INPP5D: variants seen among roughly 807,000 people sequenced by gnomAD.
INPP5D encodes phosphatidylinositol 3,4,5-trisphosphate 5-phosphatase 1.
In INPP5D, 33 loss-of-function variants were observed where a neutral mutation model predicts 122.9. The ratio of observed to expected loss-of-function variants is 0.27; its 90% confidence interval spans 0.20 to 0.36. INPP5D has a LOEUF of 0.36. Among genes scored for constraint, INPP5D ranks in the 10% least tolerant of loss-of-function variants. The probability of loss-of-function intolerance (pLI) is 1.00; values close to 1 mark genes in which losing one functional copy is unlikely to be tolerated. For missense variants in INPP5D, 1,053 were observed against 1,412.7 expected, an observed-to-expected ratio of 0.75 and a Z score of 4.08; for synonymous variants, 584 against 576.2, an observed-to-expected ratio of 1.01 and a Z score of -0.19.
intron 20 of INPP5D, 34 bp downstream of exon 20, chr2:233,184,555 C>T (rs1245516270): frequency 6.2e-7 from 1 of 1,611,586 alleles, no homozygotes. Context: ...CTGGGCAGAA[C>T]TGCCCGGAGC....
Position 233,189,864 on chromosome 2 carries a change from C to A in INPP5D, c.2373C>A (p.Ile791=). ...TCTCTCTGCAGCTGAAGCCCATTAT[C>A]TCTGACCCTGAGTACCTGCTAGACC... The part of the protein sequence containing the change: ...GETLPKLKPI[I]SDPEYLLDQH... The change falls in exon 22 of 27, where the codon ATC becomes ATA. Residue 791 remains isoleucine, a synonymous_variant. Coordinates refer to ENST00000445964, the MANE Select transcript of INPP5D (RefSeq NM_001017915.3). This position sits in a 1 kb window ranked among gnomAD's most constrained non-coding sequence, Gnocchi z 5.6. 2 of 1,613,552 alleles carry A rather than the reference C, an allele frequency of 1.2e-6. No homozygotes were observed. Among genetic ancestry groups the A allele is most frequent in the Non-Finnish European group, 1.7e-6 (2 of 1,179,626 alleles).
chr2:233,120,362 T>C (rs542086035), intron 2 of INPP5D, among the ~76,000 whole-genome samples: 2 of 152,318 alleles, frequency 1.3e-5, no homozygotes, highest in East Asian at 1.9e-4. Flanking sequence ...CGGGCACCTG[T>C]AATCCCAGCT....
intron 3 of INPP5D, among the ~76,000 whole-genome samples, chr2:233,123,474 A>G (rs1229301160): frequency 2.0e-5 from 3 of 149,860 alleles, no homozygotes; most frequent in Non-Finnish European, 4.4e-5. Context: ...AAAAAATTAT[A>G]CAGTCCCTAA....
chr2:233,178,271 T>C (rs145261355), intron 18 of INPP5D, among the ~76,000 whole-genome samples: 1 of 151,752 alleles, frequency 6.6e-6, no homozygotes. Flanking sequence ...CTGAAAAAAA[T>C]GAAAGAAAGA....
intron 2 of INPP5D, among the ~76,000 whole-genome samples, chr2:233,121,307 T>A (rs1692968392): frequency 6.6e-6 from 1 of 151,466 alleles, no homozygotes; most frequent in South Asian, 2.1e-4. Flanking sequence ...AATTTTTGTG[T>A]TTTTAGTAGA....
chr2:233,147,984 T>G (rs1472258617), intron 9 of INPP5D, among the ~76,000 whole-genome samples: 2 of 152,248 alleles, frequency 1.3e-5, no homozygotes, highest in African/African-American at 2.4e-5. Flanking sequence ...TTTCCTCATC[T>G]GTAAAATGGG....
rs906947903 is a variant in INPP5D, at chr2:233,191,639, C to G, written c.2446+1702C>G. Among the ~76,000 whole-genome samples the G allele has an allele frequency of 2.1e-4, 32 of 152,248 alleles. 1 individual carries two copies. Among genetic ancestry groups the G allele is most frequent in the African/African-American group, 6.7e-4 (28 of 41,532 alleles). ...GTGGCCAAGGGACCCAACACAAAGA[C>G]CAAGCGTCTCTTAGATGGAGATACT... On this transcript the variant is annotated intron_variant, in intron 22 of 26. Coordinates refer to ENST00000445964, the MANE Select transcript of INPP5D (RefSeq NM_001017915.3).
intron 5 of INPP5D, chr2:233,131,287 A>T: frequency 4.7e-6 from 1 of 214,884 alleles, no homozygotes. Context: ...CTAATATGCC[A>T]TCCAAAGAAT....
In INPP5D at chr2:233,206,787, G is replaced by A; in HGVS notation, c.*79G>A. 1.4e-6 allele frequency: 1 copy of A among 726,688 alleles called. No individual in the cohort carries two copies. The highest frequency in any genetic ancestry group is 2.6e-6 in the Non-Finnish European group (1 of 389,818). The allele number at this position is 726,688 out of a possible 1,614,324, so 45.0% of individuals were successfully genotyped here. On this transcript the variant is annotated 3_prime_UTR_variant, in exon 27 of 27. Coordinates refer to ENST00000445964, the MANE Select transcript of INPP5D (RefSeq NM_001017915.3). This position sits in a 1 kb window ranked among gnomAD's most constrained non-coding sequence, Gnocchi z 4.0. ...ACTGGACCCTCTCCCGGGACCTCCT[G>A]CTGGCTCCTCCTGCCCAGCTTCCTA...
rs1486155748 is a variant in INPP5D, at chr2:233,170,096, A to C, written c.1723A>C (p.Ile575Leu). 2 of 1,613,818 alleles carry C rather than the reference A, an allele frequency of 1.2e-6. No individual in the cohort carries two copies. The highest frequency in any genetic ancestry group is 2.7e-5 in the African/African-American group (2 of 74,912). ...LGDKKLSPFN[I>L]THRFTHLFWF... ...CGACAAGAAGCTGAGTCCCTTTAACATCACTCACCGCTTCACGCACCTCTT... is the reference window on the plus strand; with the variant it reads ...CGACAAGAAGCTGAGTCCCTTTAACCTCACTCACCGCTTCACGCACCTCTT... The change falls in exon 15 of 27, where the codon ATC (isoleucine) becomes CTC (leucine). Residue 575 changes from isoleucine (I) to leucine (L), a missense_variant. Around this residue, in one of 6 missense-constraint regions of INPP5D, gnomAD observed 258 missense variants for 439.1 expected, o/e 0.59. Coordinates refer to ENST00000445964, the MANE Select transcript of INPP5D (RefSeq NM_001017915.3). This position sits in a 1 kb window ranked among gnomAD's most constrained non-coding sequence, Gnocchi z 4.5.
intron 1 of INPP5D, 143 bp from the exon 2 acceptor site, chr2:233,079,192 C>T: frequency 3.2e-6 from 2 of 632,626 alleles, no homozygotes; most frequent in Non-Finnish European, 5.7e-6. Flanking sequence ...GACTCACCTC[C>T]ATCTTAAGAG....
chr2:233,080,855 C>T (rs7425956), intron 2 of INPP5D, among the ~76,000 whole-genome samples: 64,039 of 151,938 alleles, frequency 0.42, 16,038 homozygotes, highest in Non-Finnish European at 0.56. Context: ...GGAATTGCTT[C>T]GAGGAGCGAT....
chr2:233,168,796 C>T (rs1323791018), intron 13 of INPP5D: 3 of 153,448 alleles, frequency 2.0e-5, no homozygotes, highest in Admixed American at 6.5e-5. Flanking sequence ...TGGGGTGGGG[C>T]TGAGAATCTG....
At chr2:233,109,680 G>C (rs1345430807) in intron 2 of INPP5D, among the ~76,000 whole-genome samples, 2 of 151,960 alleles carry the variant, frequency 1.3e-5, no homozygotes, top group African/African-American at 4.8e-5. Flanking sequence ...CCAGGTTCAA[G>C]CAATTCTCCT....
chr2:233,080,428 C>T (rs990741750), intron 2 of INPP5D, among the ~76,000 whole-genome samples: 23 of 64,064 alleles, frequency 3.6e-4, no homozygotes, highest in Admixed American at 1.7e-4. Context: ...TTCCACATCC[C>T]GGGTGTGTGT....
In INPP5D at chr2:233,094,526, A is replaced by C. The variant is rs1230369801; in HGVS notation, c.198+15128A>C. On this transcript the variant is annotated intron_variant, in intron 2 of 26. Transcript: ENST00000445964. ...AGACTCCATCCCAAAAAAAAAAAAA[A>C]AAAAAAAAAAAAAAAATTCTAAAAT... Among the ~76,000 whole-genome samples the C allele has an allele frequency of 1.0e-4, 15 of 150,300 alleles. No homozygotes were observed. In the East Asian group the frequency reaches 1.7e-3, roughly 17 times the overall value.
At chr2:233,135,023 G>A (rs1004270412) in intron 5 of INPP5D, among the ~76,000 whole-genome samples, 2 of 151,964 alleles carry the variant, frequency 1.3e-5, no homozygotes, top group Non-Finnish European at 2.9e-5. Context: ...GCTCAGAGGT[G>A]CTACCTGTAG....
At chr2:233,175,728 GC>G (rs1694606481) in intron 17 of INPP5D, among the ~76,000 whole-genome samples, 1 of 151,392 alleles carries the variant, frequency 6.6e-6, no homozygotes, top group Non-Finnish European at 1.5e-5. Flanking sequence ...TATTGCCCAG[GC>G]TGGAGTGCAG....
In INPP5D at chr2:233,062,334, G is replaced by A. The variant is rs1574694297; in HGVS notation, c.134+1722G>A. On this transcript the variant is annotated intron_variant, in intron 1 of 26. Transcript: ENST00000445964. ...GGGTCTCTCTGACTCCGAGCCGTGA[G>A]CATCTTAACGTCTAGGATTAGCCTG... is the stretch of plus-strand genomic sequence containing the variant. 2.0e-5 allele frequency among the ~76,000 whole-genome samples: 3 copies of A among 152,354 alleles called. No homozygotes were observed. The East Asian group carries it at 5.8e-4, about 29-fold the overall frequency.
Sources: allele counts gnomAD v4.1 joint callset (sites outside exome capture counted in the v4.1 genomes callset), GRCh38; gene constraint gnomAD v4.1.1; regional missense constraint gnomAD v4.1.1; non-coding constraint Gnocchi (gnomAD v3.1); transcripts MANE v1.5; gene names NCBI Gene and HGNC (gene_info 2026-07-23, HGNC 2026-07-21).